Variants in EPHA5 observed in about 807,000 individuals in gnomAD.
EPHA5 encodes the protein ephrin type-A receptor 5.
Under a neutral mutation model 105.0 loss-of-function variants are expected in EPHA5, and 60 were observed. The ratio of observed to expected loss-of-function variants is 0.57; its 90% CI spans 0.46 to 0.71. The LOEUF is 0.71. EPHA5 is among the 30% of genes least tolerant of loss of function. The pLI, the probability that EPHA5 is intolerant of heterozygous loss-of-function variation, is 0.00. For synonymous variants in EPHA5, 513 were observed against 449.1 expected (o/e 1.14, Z -1.80); for missense variants, 1,218 against 1,274.7 (o/e 0.96, Z 0.68).
At chr4:65,638,951 T>A (rs962113253) in intron 2 of EPHA5, among the ~76,000 whole-genome samples, 4 of 152,196 alleles carry the variant, frequency 2.6e-5, no homozygotes, top group Non-Finnish European at 4.4e-5. Context: ...AATATGCAAA[T>A]CATACTTGAA....
chr4:65,478,314 A>T (rs1329564349), intron 5 of EPHA5, among the ~76,000 whole-genome samples: 1 of 152,208 alleles, frequency 6.6e-6, no homozygotes, highest in Non-Finnish European at 1.5e-5. Flanking sequence ...TGTCCTTAGA[A>T]ACTTCAATGA....
chr4:65,620,107 G>GATAT (rs1560782382), intron 2 of EPHA5, among the ~76,000 whole-genome samples: 16 of 62,682 alleles, frequency 2.6e-4, no homozygotes, highest in African/African-American at 8.6e-4. Context: ...TTTGGACTCA[G>GATAT]GTATATATAT....
At chr4:65,422,458 A>G (rs1724032185) in intron 5 of EPHA5, among the ~76,000 whole-genome samples, 1 of 152,062 alleles carries the variant, frequency 6.6e-6, no homozygotes, top group East Asian at 1.9e-4. Context: ...TGCCTGCTCA[A>G]CCTTTTAAGT....
At chr4:65,496,590 T>A (rs893917982) in intron 3 of EPHA5, among the ~76,000 whole-genome samples, 2 of 151,620 alleles carry the variant, frequency 1.3e-5, no homozygotes, top group South Asian at 2.1e-4. Context: ...TAGTATTCCA[T>A]GGTGTATATG....
At chr4:65,385,976 C>A (rs1720043285) in intron 8 of EPHA5, among the ~76,000 whole-genome samples, 1 of 151,846 alleles carries the variant, frequency 6.6e-6, no homozygotes, top group Admixed American at 6.6e-5. Flanking sequence ...CATGTAGAAA[C>A]CTATAAGATT....
chr4:65,633,372 A>C (rs544470487), intron 2 of EPHA5, among the ~76,000 whole-genome samples: 8 of 152,028 alleles, frequency 5.3e-5, no homozygotes, highest in Admixed American at 4.6e-4. Context: ...TGATAGGAAA[A>C]AAAAGATCAT....
rs773369279 is a variant in EPHA5 at position 65,335,993 on chromosome 4, T to C, written c.2728A>G (p.Met910Val). The stretch of plus-strand genomic sequence containing the variant: ...GGGTTACGTATCAGCTTGTCCAACA[T>C]GTTGACTATTTCATCAAACTTGGGC... Reference protein sequence around the residue: ...SRPKFDEIVNMLDKLIRNPSS... With the variant: ...SRPKFDEIVNVLDKLIRNPSS... Residue 910 changes from methionine (M) to valine (V), a missense_variant, in exon 15 of 17, where the codon ATG (methionine) becomes GTG (valine). Met to Val is a conservative substitution (Grantham distance 21). Around this residue, in one of 3 missense-constraint regions of EPHA5, gnomAD observed 971 missense variants for 1,013.5 expected, o/e 0.96. Coordinates refer to ENST00000613740, the MANE Select transcript of EPHA5 (RefSeq NM_001281766.3). The C allele has an allele frequency of 1.9e-6, 3 of 1,613,310 alleles. No individual in the cohort carries two copies. The highest frequency in any genetic ancestry group is 1.3e-5 in the African/African-American group (1 of 74,910).
chr4:65,444,790 T>G (rs1726354186), intron 5 of EPHA5, among the ~76,000 whole-genome samples: 1 of 152,080 alleles, frequency 6.6e-6, no homozygotes, highest in Non-Finnish European at 1.5e-5. Flanking sequence ...ACCTAAAAAT[T>G]CTGATGCCTT....
chr4:65,537,144 A>G (rs1736366360), intron 3 of EPHA5, among the ~76,000 whole-genome samples: 1 of 151,868 alleles, frequency 6.6e-6, no homozygotes, highest in African/African-American at 2.4e-5. Context: ...GAAGGTACTG[A>G]ACAAAAATTC....
chr4:65,554,343 C>T (rs1738202058), intron 3 of EPHA5, among the ~76,000 whole-genome samples: 1 of 150,104 alleles, frequency 6.7e-6, no homozygotes, highest in Non-Finnish European at 1.5e-5. Context: ...ATGTACTTGG[C>T]TATAATTTTG....
intron 7 of EPHA5, among the ~76,000 whole-genome samples, chr4:65,404,991 C>T (rs2148992828): frequency 6.6e-6 from 1 of 152,058 alleles, no homozygotes; most frequent in African/African-American, 2.4e-5. Flanking sequence ...AATATAATAT[C>T]ACTATTCTGA....
intron 2 of EPHA5, among the ~76,000 whole-genome samples, chr4:65,604,021 TA>T (rs550392776): frequency 0.054 from 417 of 7,746 alleles, 1 homozygote; most frequent in African/African-American, 0.087. Context: ...TAAGATTAAA[TA>T]TATATTTTTT....
At chr4:65,522,165 G>C (rs1350464740) in intron 3 of EPHA5, among the ~76,000 whole-genome samples, 1 of 151,770 alleles carries the variant, frequency 6.6e-6, no homozygotes, top group Non-Finnish European at 1.5e-5. Context: ...TATGTATTTT[G>C]TATCTTTCAA....
chr4:65,638,115 G>A (rs986219458), intron 2 of EPHA5, among the ~76,000 whole-genome samples: 1 of 152,070 alleles, frequency 6.6e-6, no homozygotes, highest in African/African-American at 2.4e-5. Context: ...AAGTTAAGAA[G>A]AATATTCTGA....
intron 3 of EPHA5, among the ~76,000 whole-genome samples, chr4:65,540,150 C>G (rs1410059182): frequency 6.6e-6 from 1 of 151,476 alleles, no homozygotes; most frequent in Non-Finnish European, 1.5e-5. Flanking sequence ...ATGTCATAAA[C>G]AAACTAGTAG....
chr4:65,375,077 A>G (rs2148914600), intron 8 of EPHA5, among the ~76,000 whole-genome samples: 1 of 152,088 alleles, frequency 6.6e-6, no homozygotes, highest in Admixed American at 6.6e-5. Context: ...GCAATAAAGC[A>G]TTTTTAGTCC....
chr4:65,561,103 A>C (rs1230329026), intron 3 of EPHA5, among the ~76,000 whole-genome samples: 1 of 151,974 alleles, frequency 6.6e-6, no homozygotes, highest in Non-Finnish European at 1.5e-5. Context: ...TCTATCCCCG[A>C]TAGGCTAGAA....
At position 65,540,626 on chromosome 4, in the gene EPHA5, G is replaced by A. The variant is rs181268761; in HGVS notation, c.911-45083C>T. 9.5e-4 allele frequency among the ~76,000 whole-genome samples: 144 copies of A among 151,438 alleles called. 1 individual carries two copies. Among genetic ancestry groups the A allele is most frequent in the Non-Finnish European group, 1.9e-3 (126 of 67,568 alleles). ...AACATGAATTTAAGATGGCAGGTTCGTATTACACCACTAATCAAACAATTA... is the reference window on the plus strand; with the variant it reads ...AACATGAATTTAAGATGGCAGGTTCATATTACACCACTAATCAAACAATTA... On this transcript the variant is annotated intron_variant, in intron 3 of 16. Transcript: ENST00000613740.
intron 2 of EPHA5, among the ~76,000 whole-genome samples, chr4:65,603,532 T>C (rs1223412621): frequency 1.3e-5 from 2 of 152,272 alleles, no homozygotes; most frequent in East Asian, 3.9e-4. Flanking sequence ...TATAGCATTA[T>C]TTCTTGATTC....
Sources: gnomAD v4.1 joint callset for allele counts (sites outside exome capture counted in the v4.1 genomes callset) on GRCh38, gnomAD v4.1.1 for gene constraint, gnomAD v4.1.1 regional missense constraint, MANE v1.5 for transcripts, NCBI Gene and HGNC (gene_info 2026-07-23, HGNC 2026-07-21) for gene names.